The following EPS8 variants were observed in gnomAD, a reference collection of about 807,000 sequenced individuals.
EPS8 encodes the protein epidermal growth factor receptor kinase substrate 8.
EPS8 carries 42 observed loss-of-function variants against 103.8 expected under a neutral mutation model. The ratio of observed to expected loss-of-function variants is 0.40; its 90% confidence interval spans 0.32 to 0.52. The LOEUF is 0.52. EPS8 is among the 20% of genes least tolerant of loss of function. The pLI is 0.40. For synonymous variants in EPS8, 344 were observed against 344.6 expected, an observed-to-expected ratio of 1.00 and a Z score of 0.02; for missense variants, 969 against 1,005.1, an observed-to-expected ratio of 0.96 and a Z score of 0.49.
Position 15,785,349 on chromosome 12 carries a change from C to G in EPS8, c.-22+3812G>C, listed in dbSNP as rs1214804796. 6.6e-6 allele frequency among the ~76,000 whole-genome samples: 1 copy of G among 152,104 alleles called. No individual in the cohort carries two copies. Among genetic ancestry groups the G allele is most frequent in the Non-Finnish European group, 1.5e-5 (1 of 67,944 alleles). ...TGTTTCCCATGGGAGCACAGGTTAA[C>G]AATTCCAATGCTGCTATACATCTAT... is the stretch of plus-strand genomic sequence containing the variant. On this transcript the variant is annotated intron_variant, in intron 1 of 20. Coordinates refer to ENST00000281172, the MANE Select transcript of EPS8 (RefSeq NM_004447.6). This position sits in a 1 kb window ranked among gnomAD's most constrained non-coding sequence, Gnocchi z 4.9.
chr12:15,718,027 T>C (rs1426440695), intron 1 of EPS8, among the ~76,000 whole-genome samples: 2 of 152,192 alleles, frequency 1.3e-5, no homozygotes, highest in Non-Finnish European at 2.9e-5. Flanking sequence ...TCCTTTCATG[T>C]CCTATAACTA....
chr12:15,758,506 T>G (rs2136027576), intron 1 of EPS8, among the ~76,000 whole-genome samples: 1 of 152,314 alleles, frequency 6.6e-6, no homozygotes, highest in South Asian at 2.1e-4. Context: ...GAAATGTTGC[T>G]GGTATGTAAG....
rs949719157 is a variant in EPS8 at position 15,701,200 on chromosome 12, CTT to C, written c.-21-18230_-21-18229del. Among the ~76,000 whole-genome samples the C allele has an allele frequency of 6.6e-6, 1 of 152,204 alleles. No homozygotes were observed. Among genetic ancestry groups the C allele is most frequent in the African/African-American group, 2.4e-5 (1 of 41,446 alleles). On this transcript the variant is annotated intron_variant, in intron 1 of 20. Transcript: ENST00000281172. The surrounding 1 kb of genome is among the most constrained non-coding windows in gnomAD (Gnocchi z 5.1). ...ATAATAATTTACAAAAACAATAACA[CTT>C]ATTAAATCCATATATGTGTCAAACG...
intron 3 of EPS8, 138 bp from the exon 4 acceptor site, chr12:15,671,061 A>G (rs888136684): frequency 2.5e-5 from 13 of 527,472 alleles, no homozygotes; most frequent in Non-Finnish European, 4.0e-5. Flanking sequence ...TGTGTGGTGT[A>G]TCTGAAAACA....
intron 18 of EPS8, among the ~76,000 whole-genome samples, chr12:15,631,009 C>A (rs540184160): frequency 6.6e-6 from 1 of 152,320 alleles, no homozygotes; most frequent in South Asian, 2.1e-4. Context: ...GGCTGAGAAG[C>A]ACTGAAGTAG....
rs1465741615 is a variant in EPS8 at position 15,633,326 on chromosome 12, T to C, written c.1822-1662A>G. ...AGTCATCTGATTAATGTATATGCAA[T>C]GTTCCCTTGACAAGAATGTCCTCTG... On this transcript the variant is annotated intron_variant, in intron 17 of 20. Transcript: ENST00000281172. 4.6e-5 allele frequency among the ~76,000 whole-genome samples: 7 copies of C among 152,330 alleles called. No homozygotes were observed. The South Asian group carries it at 1.5e-3, about 32-fold the overall frequency.
chr12:15,622,399 T>A (rs1158489652), intron 20 of EPS8, among the ~76,000 whole-genome samples: 1 of 152,152 alleles, frequency 6.6e-6, no homozygotes, highest in East Asian at 1.9e-4. Context: ...TACCCTGAAT[T>A]ATTTAACTGT....
At chr12:15,754,531 G>A (rs73316926) in intron 1 of EPS8, among the ~76,000 whole-genome samples, 1,901 of 152,260 alleles carry the variant, frequency 0.012, 41 homozygotes, top group African/African-American at 0.044. Flanking sequence ...TGAGGAATAA[G>A]TGAATAGCTA....
chr12:15,750,747 ATACT>A (rs1946923517), intron 1 of EPS8, among the ~76,000 whole-genome samples: 1 of 152,232 alleles, frequency 6.6e-6, no homozygotes, highest in Admixed American at 6.5e-5. Context: ...GAATAGAAAC[ATACT>A]TACAGCATTG....
At chr12:15,744,106 T>G (rs1229936996) in intron 1 of EPS8, among the ~76,000 whole-genome samples, 1 of 152,168 alleles carries the variant, frequency 6.6e-6, no homozygotes, top group Non-Finnish European at 1.5e-5. Flanking sequence ...GCAAAGGATA[T>G]GAACTGACAC....
chr12:15,689,679 C>T (rs1274549030), intron 1 of EPS8, among the ~76,000 whole-genome samples: 2 of 152,136 alleles, frequency 1.3e-5, no homozygotes, highest in African/African-American at 2.4e-5. Context: ...TTTTGAAATA[C>T]GCAAAACATT....
At chr12:15,705,968 T>C (rs992299312) in intron 1 of EPS8, among the ~76,000 whole-genome samples, 12 of 152,216 alleles carry the variant, frequency 7.9e-5, no homozygotes, top group African/African-American at 2.9e-4. Context: ...TATTAAATTC[T>C]TGTACAATCA....
rs566656895 is a variant in EPS8 at position 15,695,454 on chromosome 12, G to A, written c.-21-12482C>T. 3.2e-4 allele frequency among the ~76,000 whole-genome samples: 49 copies of A among 152,354 alleles called. No individual in the cohort carries two copies. Among genetic ancestry groups the A allele is most frequent in the African/African-American group, 1.1e-3 (44 of 41,584 alleles). The stretch of plus-strand genomic sequence containing the variant: ...TATATTAGCACTGCTCAATACAGTA[G>A]CTGAGCACAAGTGTTGAGCACTTGA... On this transcript the variant is annotated intron_variant, in intron 1 of 20. Transcript: ENST00000281172. The surrounding 1 kb of genome is among the most constrained non-coding windows in gnomAD (Gnocchi z 5.0).
At chr12:15,775,853 T>C (rs1428748333) in intron 1 of EPS8, among the ~76,000 whole-genome samples, 1 of 152,192 alleles carries the variant, frequency 6.6e-6, no homozygotes, top group African/African-American at 2.4e-5. Flanking sequence ...AAAATTATTT[T>C]CTATTAGGTA....
chr12:15,736,590 T>C lies in EPS8; in HGVS notation c.-22+52571A>G, dbSNP rs771968761. Among the ~76,000 whole-genome samples the C allele has an allele frequency of 2.6e-5, 4 of 152,188 alleles. No homozygotes were observed. The highest frequency in any genetic ancestry group is 4.8e-5 in the African/African-American group (2 of 41,438). On this transcript the variant is annotated intron_variant, in intron 1 of 20. Coordinates refer to ENST00000281172, the MANE Select transcript of EPS8 (RefSeq NM_004447.6). The surrounding 1 kb of genome is among the most constrained non-coding windows in gnomAD (Gnocchi z 4.2). Reference sequence around the variant, plus strand: ...TTATTAATAAATCTTTCTTTTTCTATAGGTTCTAATGAAGTTAGTAAGCAA... The same window carrying C: ...TTATTAATAAATCTTTCTTTTTCTACAGGTTCTAATGAAGTTAGTAAGCAA...
At chr12:15,765,024 C>T (rs1260940135) in intron 1 of EPS8, among the ~76,000 whole-genome samples, 1 of 152,126 alleles carries the variant, frequency 6.6e-6, no homozygotes. Flanking sequence ...TGATATCTAT[C>T]AGGTTATAAT....
At chr12:15,765,989 T>G (rs1947090951) in intron 1 of EPS8, among the ~76,000 whole-genome samples, 2 of 151,552 alleles carry the variant, frequency 1.3e-5, no homozygotes, top group Non-Finnish European at 2.9e-5. Context: ...AATGTTTTTG[T>G]ATTTTTAGTA....
At chr12:15,718,439 A>T (rs1329949887) in intron 1 of EPS8, among the ~76,000 whole-genome samples, 1 of 152,216 alleles carries the variant, frequency 6.6e-6, no homozygotes, top group Admixed American at 6.5e-5. Context: ...TTGAATAACA[A>T]TATTTATAGA....
At chr12:15,671,507 G>C (rs1945817572) in intron 3 of EPS8, among the ~76,000 whole-genome samples, 2 of 152,014 alleles carry the variant, frequency 1.3e-5, no homozygotes. Flanking sequence ...GTGATACTTA[G>C]AATTATAAAT....
Sources: gnomAD v4.1 joint callset for allele counts (sites outside exome capture counted in the v4.1 genomes callset) on GRCh38, gnomAD v4.1.1 for gene constraint, Gnocchi (gnomAD v3.1) non-coding constraint, MANE v1.5 for transcripts, NCBI Gene and HGNC (gene_info 2026-07-23, HGNC 2026-07-21) for gene names.